Variants in ODAM observed in about 807,000 individuals in gnomAD.
ODAM encodes the protein odontogenic, ameloblast associated, also known as odontogenic ameloblast-associated protein.
A neutral mutation model predicts 48.5 loss-of-function variants in ODAM; 55 were observed. That is an observed-to-expected ratio of 1.13 (90% CI 0.91 to 1.42). The LOEUF is 1.42. Among genes scored for constraint, ODAM ranks in the 40% most tolerant of loss-of-function variants. The probability of loss-of-function intolerance (pLI) is 0.00; values close to 1 mark genes in which losing one functional copy is unlikely to be tolerated. For missense variants in ODAM, 353 were observed against 323.6 expected (o/e 1.09, Z -0.70); for synonymous variants, 127 against 107.8 (o/e 1.18, Z -1.10).
chr4:70,197,740 G>A, intron 4 of ODAM, 184 bp from the exon 5 acceptor site: 2 of 608,200 alleles, frequency 3.3e-6, no homozygotes, highest in African/African-American at 1.9e-5. Flanking sequence ...TGGCCATCGG[G>A]AATTTAGCAT....
chr4:70,200,896 A>C (rs964918717), intron 7 of ODAM, among the ~76,000 whole-genome samples: 1 of 151,980 alleles, frequency 6.6e-6, no homozygotes, highest in Non-Finnish European at 1.5e-5. Context: ...TCACATTTAA[A>C]ATTTACTAGC....
chr4:70,196,802 C>T, intron 3 of ODAM, 69 bp downstream of exon 3: 8 of 1,279,030 alleles, frequency 6.3e-6, no homozygotes, highest in South Asian at 1.4e-5. Flanking sequence ...AGATAGAAGT[C>T]GTCATTTAAT....
chr4:70,195,878 T>A, intron 1 of ODAM, 85 bp downstream of exon 1: 1 of 403,638 alleles, frequency 2.5e-6, no homozygotes, highest in Non-Finnish European at 3.4e-6. Flanking sequence ...TCACCCTAAA[T>A]GCTTGATTAG....
intron 7 of ODAM, 73 bp downstream of exon 7, chr4:70,200,674 A>G (rs1729476531): frequency 1.1e-5 from 11 of 978,702 alleles, no homozygotes; most frequent in South Asian, 9.5e-5. Flanking sequence ...ATTACCATAG[A>G]AAAAAAGTTT....
intron 4 of ODAM, 200 bp from the exon 5 acceptor site, chr4:70,197,724 T>A: frequency 1.7e-6 from 1 of 596,492 alleles, no homozygotes; most frequent in Non-Finnish European, 3.0e-6. Flanking sequence ...TGCCCCATAT[T>A]TCTCATGGCC....
At chr4:70,196,387 C>A in intron 1 of ODAM, 142 bp from the exon 2 acceptor site, 2 of 519,234 alleles carry the variant, frequency 3.9e-6, no homozygotes, top group East Asian at 3.2e-5. Flanking sequence ...ACAAACATAA[C>A]TTTTTAAATT....
intron 6 of ODAM, among the ~76,000 whole-genome samples, chr4:70,199,566 T>C (rs981217617): frequency 3.3e-5 from 5 of 151,962 alleles, no homozygotes; most frequent in Non-Finnish European, 7.4e-5. Context: ...ACCCCTTCTG[T>C]CTCCTTTAAC....
At chr4:70,196,249 T>G (rs1729356337) in intron 1 of ODAM, among the ~76,000 whole-genome samples, 1 of 152,016 alleles carries the variant, frequency 6.6e-6, no homozygotes, top group African/African-American at 2.4e-5. Context: ...CATCTTGTTC[T>G]TTAATGCATT....
At position 70,204,191 on chromosome 4, in the gene ODAM, A is replaced by G. The variant is rs1729567347; in HGVS notation, c.*46A>G. 6.6e-6 allele frequency: 1 copy of G among 152,000 alleles called. No individual in the cohort carries two copies. The highest frequency in any genetic ancestry group is 2.4e-5 in the African/African-American group (1 of 41,410). 9.4% of individuals were successfully genotyped at this position (152,000 alleles called of 1,614,324 possible). A position where few individuals can be genotyped will look rare whatever the true frequency, so the allele number is the denominator to read the frequency against. On this transcript the variant is annotated 3_prime_UTR_variant, in exon 12 of 12. Coordinates refer to ENST00000683306, the MANE Select transcript of ODAM (RefSeq NM_017855.4). The stretch of plus-strand genomic sequence containing the variant: ...ATTTTTCAGGGAAAAAGATGTGGCC[A>G]TGCCTTGGATATAATTTTAGGCTAT...
Position 70,201,507 on chromosome 4 carries a change from TA to T in ODAM, c.576+9del. 2 of 1,424,126 alleles carry T rather than the reference TA, an allele frequency of 1.4e-6. No individual in the cohort carries two copies. Among genetic ancestry groups the T allele is most frequent in the Non-Finnish European group, 2.0e-6 (2 of 1,011,832 alleles). 88.2% of individuals were successfully genotyped at this position (1,424,126 alleles called of 1,614,324 possible). On this transcript the variant is annotated splice_region_variant and intron_variant, in intron 8 of 11. Coordinates refer to ENST00000683306, the MANE Select transcript of ODAM (RefSeq NM_017855.4). Reference sequence around the variant, plus strand: ...TTCCACAACTAGCAGAACCTGTAAGTAAATGCATATTTTTCATTAAAAATAT... The same window carrying T: ...TTCCACAACTAGCAGAACCTGTAAGTAATGCATATTTTTCATTAAAAATAT...
At chr4:70,203,452 A>T (rs1350083813) in intron 11 of ODAM, among the ~76,000 whole-genome samples, 1 of 151,958 alleles carries the variant, frequency 6.6e-6, no homozygotes, top group African/African-American at 2.4e-5. Flanking sequence ...GAAAACACAA[A>T]TACTAGATAT....
Position 70,203,193 on chromosome 4 carries a change from C to T in ODAM, c.*8C>T, listed in dbSNP as rs1315841315. 10 of 1,595,512 alleles carry T rather than the reference C, an allele frequency of 6.3e-6. No homozygotes were observed. Among genetic ancestry groups the T allele is most frequent in the Non-Finnish European group, 8.6e-6 (10 of 1,164,636 alleles). On this transcript the variant is annotated 3_prime_UTR_variant, in exon 11 of 12. Transcript: ENST00000683306. Reference sequence around the variant, plus strand: ...AGCCTAAGGGAACCATAAGAAGTTGCCCTGATCATTCAGACATTTTGGTAG... The same window carrying T: ...AGCCTAAGGGAACCATAAGAAGTTGTCCTGATCATTCAGACATTTTGGTAG...
Position 70,200,735 on chromosome 4 carries a change from G to T in ODAM, c.528+134G>T. ...AACAGCATGAAACAGGTAGGCATAA[G>T]AGGGTAGGTATAGTGTTCTCGGCTA... On this transcript the variant is annotated intron_variant, in intron 7 of 11. Coordinates refer to ENST00000683306, the MANE Select transcript of ODAM (RefSeq NM_017855.4). 3 of 565,924 alleles carry T rather than the reference G, an allele frequency of 5.3e-6. No homozygotes were observed. The East Asian group carries it at 8.9e-5, about 17-fold the overall frequency. 35.1% of individuals were successfully genotyped at this position (565,924 alleles called of 1,614,324 possible).
Position 70,197,467 on chromosome 4 carries a change from C to T in ODAM, c.141+146C>T, listed in dbSNP as rs1338863087. On this transcript the variant is annotated intron_variant, in intron 4 of 11. Transcript: ENST00000683306. ...GAATTTGTCTCATATGTTCTAGTGG[C>T]CATTTGCTTGAAGATTAAAGTAAAA... 7 of 662,058 alleles carry T rather than the reference C, an allele frequency of 1.1e-5. No homozygotes were observed. The South Asian group carries it at 1.2e-4, about 11-fold the overall frequency. The allele number at this position is 662,058 out of a possible 1,614,324, so 41.0% of individuals were successfully genotyped here.
Position 70,196,676 on chromosome 4 carries a change from T to C in ODAM, c.52-16T>C. 1.2e-6 allele frequency: 2 copies of C among 1,606,922 alleles called. No homozygotes were observed. The highest frequency in any genetic ancestry group is 1.7e-6 in the Non-Finnish European group (2 of 1,176,192). ...CTTTTTACTATTTCTGATTTTTTTT[T>C]CATTTTTACTTTTAGCTTATCCCAC... is the stretch of plus-strand genomic sequence containing the variant. On this transcript the variant is annotated splice_polypyrimidine_tract_variant and intron_variant, in intron 2 of 11. Transcript: ENST00000683306.
In ODAM at chr4:70,196,513, A is replaced by T; in HGVS notation, c.-15-16A>T. On this transcript the variant is annotated splice_polypyrimidine_tract_variant and intron_variant, in intron 1 of 11. Transcript: ENST00000683306. ...TAATGTCTTTATAAAGCTAAAGATC[A>T]CAACTTATTTTCTAGATATATCATA... The T allele has an allele frequency of 7.0e-7, 1 of 1,419,374 alleles. No homozygotes were observed. Among genetic ancestry groups the T allele is most frequent in the Non-Finnish European group, 9.8e-7 (1 of 1,023,872 alleles). 87.9% of individuals were successfully genotyped at this position (1,419,374 alleles called of 1,614,324 possible).
At chr4:70,200,746 T>C (rs1729477972) in intron 7 of ODAM, 145 bp downstream of exon 7, 1 of 520,456 alleles carries the variant, frequency 1.9e-6, no homozygotes, top group Admixed American at 3.6e-5. Flanking sequence ...AGGGTAGGTA[T>C]AGTGTTCTCG....
chr4:70,203,811 G>A (rs1001106339), intron 11 of ODAM, among the ~76,000 whole-genome samples: 2 of 151,958 alleles, frequency 1.3e-5, no homozygotes, highest in Admixed American at 6.6e-5. Context: ...CAAACTAAAA[G>A]ACAAAGTTTT....
Position 70,195,912 on chromosome 4 carries a change from A to T in ODAM, c.-16+119A>T, listed in dbSNP as rs567271691. On this transcript the variant is annotated intron_variant, in intron 1 of 11. Transcript: ENST00000683306. The stretch of plus-strand genomic sequence containing the variant: ...AGGTCAATGATTTGAAGCAGGGAAA[A>T]AAGTTTCACATCTAGAAGACAAGAG... 5.9e-5 allele frequency: 12 copies of T among 203,184 alleles called. No homozygotes were observed. The South Asian group carries it at 1.0e-3, about 17-fold the overall frequency. 12.6% of individuals were successfully genotyped at this position (203,184 alleles called of 1,614,324 possible).
Sources: gnomAD v4.1 joint callset for allele counts (sites outside exome capture counted in the v4.1 genomes callset) on GRCh38, gnomAD v4.1.1 for gene constraint, MANE v1.5 for transcripts, NCBI Gene and HGNC (gene_info 2026-07-23, HGNC 2026-07-21) for gene names.